LRRC8B: variants seen among roughly 807,000 people sequenced by gnomAD.
The protein encoded by LRRC8B is leucine rich repeat containing 8 VRAC subunit B, also known as volume-regulated anion channel subunit LRRC8B.
Under a neutral mutation model 58.8 loss-of-function variants are expected in LRRC8B, and 23 were observed. The ratio of observed to expected loss-of-function variants is 0.39; its 90% confidence interval spans 0.28 to 0.55. The LOEUF is 0.55. Among genes scored for constraint, LRRC8B ranks in the 20% least tolerant of loss-of-function variants. The probability of loss-of-function intolerance (pLI) is 0.62; values close to 1 mark genes in which losing one functional copy is unlikely to be tolerated. For synonymous variants in LRRC8B, 359 were observed against 374.1 expected, an observed-to-expected ratio of 0.96 and a Z score of 0.47; for missense variants, 694 against 936.0, an observed-to-expected ratio of 0.74 and a Z score of 3.37.
rs372217362 is a variant in LRRC8B, at chr1:89,592,929, A to G, written c.2298A>G (p.Glu766=). Residue 766 remains glutamate (E), a synonymous_variant, in exon 6 of 6, where the codon GAA becomes GAG. Transcript: ENST00000330947. ...IGNYLETLPP[E]LEGCQSLKRN... ...ATTACCTGGAAACACTTCCTCCTGA[A>G]CTAGAAGGATGTCAGTCCCTAAAAC... 3.8e-5 allele frequency: 62 copies of G among 1,614,046 alleles called. No individual in the cohort carries two copies. Among genetic ancestry groups the G allele is most frequent in the Non-Finnish European group, 5.3e-5 (62 of 1,179,962 alleles).
rs764726300 is a variant in LRRC8B at position 89,583,501 on chromosome 1, C to T, written c.851C>T (p.Thr284Ile). The T allele has an allele frequency of 2.5e-6, 4 of 1,613,594 alleles. No individual in the cohort carries two copies. The highest frequency in any genetic ancestry group is 2.5e-6 in the Non-Finnish European group (3 of 1,180,038). The stretch of plus-strand genomic sequence containing the variant: ...GTTCCATATTTTTTAACCCACATCA[C>T]TCTTGAAATCGACTGTTCAGTTGAT... Reference protein sequence around the residue: ...TYVPYFLTHITLEIDCSVDVQ... With the variant: ...TYVPYFLTHIILEIDCSVDVQ... The change falls in exon 5 of 6, where the codon ACT (threonine) becomes ATT (isoleucine). Residue 284 changes from threonine (T) to isoleucine (I), a missense_variant. Physicochemically the swap from Thr to Ile is moderately conservative, Grantham distance 89. Coordinates refer to ENST00000330947, the MANE Select transcript of LRRC8B (RefSeq NM_001369817.2). The surrounding 1 kb of genome is among the most constrained non-coding windows in gnomAD (Gnocchi z 5.2).
At chr1:89,525,436 C>T (rs1057337883) in intron 1 of LRRC8B, among the ~76,000 whole-genome samples, 4 of 152,244 alleles carry the variant, frequency 2.6e-5, no homozygotes, top group East Asian at 1.9e-4. Flanking sequence ...CGCAACTCCC[C>T]TGAGGGTGCC....
intron 3 of LRRC8B, among the ~76,000 whole-genome samples, chr1:89,573,028 C>T (rs969595737): frequency 6.6e-6 from 1 of 152,100 alleles, no homozygotes; most frequent in African/African-American, 2.4e-5. Flanking sequence ...CGGCCAGGCA[C>T]GGTGGTTCAC....
intron 3 of LRRC8B, among the ~76,000 whole-genome samples, chr1:89,568,852 T>G (rs1041704300): frequency 6.6e-6 from 1 of 152,174 alleles, no homozygotes; most frequent in Non-Finnish European, 1.5e-5. Context: ...GGTAGGATTT[T>G]TAATGCTACC....
intron 1 of LRRC8B, among the ~76,000 whole-genome samples, chr1:89,559,548 T>C (rs1039857089): frequency 1.3e-5 from 2 of 150,848 alleles, no homozygotes; most frequent in African/African-American, 2.4e-5. Flanking sequence ...GTGGGGTGCA[T>C]TGAGCCATGA....
At chr1:89,552,720 C>A (rs1291146575) in intron 1 of LRRC8B, among the ~76,000 whole-genome samples, 1 of 152,162 alleles carries the variant, frequency 6.6e-6, no homozygotes, top group Non-Finnish European at 1.5e-5. Context: ...AAAATGATTG[C>A]TTAACCCTGC....
At chr1:89,574,771 T>G (rs1653723016) in intron 3 of LRRC8B, among the ~76,000 whole-genome samples, 1 of 152,102 alleles carries the variant, frequency 6.6e-6, no homozygotes. Context: ...AAAAGACCAG[T>G]TCCTCTACCC....
chr1:89,551,916 A>G (rs1475178784), intron 1 of LRRC8B, among the ~76,000 whole-genome samples: 1 of 152,234 alleles, frequency 6.6e-6, no homozygotes, highest in African/African-American at 2.4e-5. Flanking sequence ...CACTAGCCAC[A>G]TGATTTGATT....
chr1:89,576,055 G>A (rs1009637380), intron 3 of LRRC8B, among the ~76,000 whole-genome samples: 3 of 152,178 alleles, frequency 2.0e-5, no homozygotes, highest in Non-Finnish European at 2.9e-5. Context: ...GACAGAAAAC[G>A]TACTGCTTCT....
chr1:89,570,154 C>T (rs76411156), intron 3 of LRRC8B, among the ~76,000 whole-genome samples: 5 of 152,146 alleles, frequency 3.3e-5, no homozygotes, highest in Admixed American at 3.3e-4. Context: ...CATGTCTTTG[C>T]TATTGTGAAT....
At chr1:89,560,471 G>C (rs1652549431) in intron 1 of LRRC8B, among the ~76,000 whole-genome samples, 1 of 151,032 alleles carries the variant, frequency 6.6e-6, no homozygotes, top group South Asian at 2.1e-4. Context: ...GTGCCATGCT[G>C]GTGTGCTGCA....
intron 1 of LRRC8B, among the ~76,000 whole-genome samples, chr1:89,531,273 A>G (rs72957877): frequency 0.013 from 2,008 of 152,346 alleles, 37 homozygotes; most frequent in African/African-American, 0.042. Context: ...ATTTGAGTCT[A>G]TGAAACAAAG....
Position 89,596,832 on chromosome 1 carries a change from C to T in LRRC8B, c.*3789C>T, listed in dbSNP as rs942774588. 1.3e-5 allele frequency: 2 copies of T among 152,146 alleles called. No individual in the cohort carries two copies. The highest frequency in any genetic ancestry group is 2.9e-5 in the Non-Finnish European group (2 of 68,004). 9.4% of individuals were successfully genotyped at this position (152,146 alleles called of 1,614,324 possible). ...AATTATGTCTCATTGAGTAGTTTTACTTTGCCCATCCTGCAGTATTTAGAG... is the reference window on the plus strand; with the variant it reads ...AATTATGTCTCATTGAGTAGTTTTATTTTGCCCATCCTGCAGTATTTAGAG... On this transcript the variant is annotated 3_prime_UTR_variant, in exon 6 of 6. Coordinates refer to ENST00000330947, the MANE Select transcript of LRRC8B (RefSeq NM_001369817.2).
intron 1 of LRRC8B, among the ~76,000 whole-genome samples, chr1:89,530,269 G>C (rs1202403377): frequency 6.6e-6 from 1 of 151,868 alleles, no homozygotes; most frequent in Non-Finnish European, 1.5e-5. Flanking sequence ...TGAGGCAGGA[G>C]AATGGCGTGA....
chr1:89,578,119 CTTGTT>C (rs1653979855), intron 3 of LRRC8B, among the ~76,000 whole-genome samples: 1 of 152,056 alleles, frequency 6.6e-6, no homozygotes. Context: ...ATTTCAATGG[CTTGTT>C]TTAAGTATAA....
At chr1:89,537,519 G>A (rs1000906829) in intron 1 of LRRC8B, among the ~76,000 whole-genome samples, 13 of 152,186 alleles carry the variant, frequency 8.5e-5, no homozygotes, top group African/African-American at 2.2e-4. Flanking sequence ...GTTGCCCATG[G>A]TGGAGTGCAG....
At chr1:89,543,538 T>C (rs12407850) in intron 1 of LRRC8B, among the ~76,000 whole-genome samples, 28,686 of 151,888 alleles carry the variant, frequency 0.19, 3,125 homozygotes, top group Admixed American at 0.3. Flanking sequence ...CTCTGTCACC[T>C]GGGCTGGAGT....
intron 1 of LRRC8B, among the ~76,000 whole-genome samples, chr1:89,537,339 C>T (rs542063418): frequency 6.6e-6 from 1 of 152,224 alleles, no homozygotes; most frequent in African/African-American, 2.4e-5. Flanking sequence ...GTCTGAGTGT[C>T]GGTGTTCCAG....
intron 3 of LRRC8B, among the ~76,000 whole-genome samples, chr1:89,569,178 CAG>C (rs143948055): frequency 0.021 from 3,197 of 152,246 alleles, 105 homozygotes; most frequent in African/African-American, 0.073. Context: ...GTGGTGAAGA[CAG>C]GGGGTCTGTC....
Sources: gnomAD v4.1 joint callset for allele counts (sites outside exome capture counted in the v4.1 genomes callset) on GRCh38, gnomAD v4.1.1 for gene constraint, Gnocchi (gnomAD v3.1) non-coding constraint, MANE v1.5 for transcripts, NCBI Gene and HGNC (gene_info 2026-07-23, HGNC 2026-07-21) for gene names.